CDH19: variants seen among roughly 807,000 people sequenced by gnomAD.
CDH19 encodes cadherin 19, also known as cadherin-19.
In CDH19, 67 loss-of-function variants were observed where a neutral mutation model predicts 64.2. The ratio of observed to expected loss-of-function variants is 1.04; its 90% CI spans 0.86 to 1.28. The LOEUF is 1.28. CDH19 is among the 50% of genes most tolerant of loss of function. The probability of loss-of-function intolerance (pLI) is 0.00; values close to 1 mark genes in which losing one functional copy is unlikely to be tolerated. For synonymous variants in CDH19, 346 were observed against 319.3 expected (o/e 1.08, Z -0.89); for missense variants, 1,030 against 929.0 (o/e 1.11, Z -1.41).
chr18:66,560,024 TGTTTC>T (rs1258080735), intron 3 of CDH19, among the ~76,000 whole-genome samples: 1 of 151,988 alleles, frequency 6.6e-6, no homozygotes, highest in Admixed American at 6.6e-5. Flanking sequence ...TTTGTTTGTT[TGTTTC>T]TTTTGTTTTG....
At position 66,543,955 on chromosome 18, in the gene CDH19, G is replaced by A. The variant is rs368274119; in HGVS notation, c.1214+16C>T. ...TTTACTTATTTATTAATGCAAAACTGACCTTACAGACATACCTGATAGGAG... is the reference window on the plus strand; with the variant it reads ...TTTACTTATTTATTAATGCAAAACTAACCTTACAGACATACCTGATAGGAG... On this transcript the variant is annotated intron_variant, in intron 7 of 11. Transcript: ENST00000262150. 1 of 1,563,766 alleles carries A rather than the reference G, an allele frequency of 6.4e-7. No homozygotes were observed. Among genetic ancestry groups the A allele is most frequent in the Non-Finnish European group, 8.7e-7 (1 of 1,153,484 alleles).
intron 3 of CDH19, among the ~76,000 whole-genome samples, chr18:66,557,650 A>C (rs1409085763): frequency 1.3e-5 from 2 of 151,952 alleles, no homozygotes; most frequent in Admixed American, 6.6e-5. Context: ...GTAATTCAAC[A>C]ATGTTTTAGA....
chr18:66,537,003 T>G (rs529971893), intron 7 of CDH19, among the ~76,000 whole-genome samples: 1 of 152,012 alleles, frequency 6.6e-6, no homozygotes, highest in East Asian at 1.9e-4. Context: ...TTACAATAAT[T>G]TTGGACTTAC....
At chr18:66,550,836 G>A (rs1340917982) in intron 5 of CDH19, among the ~76,000 whole-genome samples, 2 of 152,028 alleles carry the variant, frequency 1.3e-5, no homozygotes, top group African/African-American at 4.8e-5. Context: ...AACCCAATGA[G>A]ACCCATAATA....
At chr18:66,534,232 C>T (rs1187649675) in intron 8 of CDH19, among the ~76,000 whole-genome samples, 1 of 151,982 alleles carries the variant, frequency 6.6e-6, no homozygotes, top group Non-Finnish European at 1.5e-5. Flanking sequence ...GTAACATTTG[C>T]CTCCTTTTAT....
At chr18:66,580,992 A>C (rs1988406026) in intron 1 of CDH19, among the ~76,000 whole-genome samples, 1 of 152,086 alleles carries the variant, frequency 6.6e-6, no homozygotes, top group African/African-American at 2.4e-5. Flanking sequence ...GCAAATAAGA[A>C]AAAATGCTCT....
At chr18:66,539,927 A>G (rs1178452554) in intron 7 of CDH19, among the ~76,000 whole-genome samples, 1 of 151,952 alleles carries the variant, frequency 6.6e-6, no homozygotes, top group Non-Finnish European at 1.5e-5. Context: ...AAGGTTATTT[A>G]TCTTTTAATA....
chr18:66,514,522 A>C lies in CDH19; in HGVS notation c.1459-2837T>G, dbSNP rs566051605. 2.6e-5 allele frequency among the ~76,000 whole-genome samples: 4 copies of C among 151,616 alleles called. No individual in the cohort carries two copies. The East Asian group carries it at 7.7e-4, about 29-fold the overall frequency. On this transcript the variant is annotated intron_variant, in intron 9 of 11. Coordinates refer to ENST00000262150, the MANE Select transcript of CDH19 (RefSeq NM_021153.4). Reference sequence around the variant, plus strand: ...AAAAAAGTGTGATCCCAAGCAAAGAATATCAAGAAAATTAATGAAGGCAAA... The same window carrying C: ...AAAAAAGTGTGATCCCAAGCAAAGACTATCAAGAAAATTAATGAAGGCAAA...
At chr18:66,542,646 G>A (rs1986934213) in intron 7 of CDH19, among the ~76,000 whole-genome samples, 1 of 152,144 alleles carries the variant, frequency 6.6e-6, no homozygotes, top group African/African-American at 2.4e-5. Context: ...GTAAAACACA[G>A]GTTCCCAACC....
chr18:66,585,320 G>T (rs1037863358), intron 1 of CDH19, among the ~76,000 whole-genome samples: 2 of 151,950 alleles, frequency 1.3e-5, no homozygotes, highest in African/African-American at 2.4e-5. Context: ...CTGACTTTCG[G>T]GTTATTTTCC....
chr18:66,524,615 T>C (rs113880465), intron 9 of CDH19, among the ~76,000 whole-genome samples: 2,473 of 148,676 alleles, frequency 0.017, 63 homozygotes, highest in African/African-American at 0.056. Context: ...TATTTGTTAA[T>C]TAAAAATATT....
intron 1 of CDH19, among the ~76,000 whole-genome samples, chr18:66,594,437 T>A (rs1988826687): frequency 6.6e-6 from 1 of 152,064 alleles, no homozygotes. Context: ...TACAGAGCAG[T>A]CCATCAAACA....
chr18:66,522,617 CTTT>C (rs1986044512), intron 9 of CDH19, among the ~76,000 whole-genome samples: 1 of 151,618 alleles, frequency 6.6e-6, no homozygotes, highest in Non-Finnish European at 1.5e-5. Flanking sequence ...TACAATTTGA[CTTT>C]TTATCCTTTT....
At chr18:66,584,494 C>G (rs1056062043) in intron 1 of CDH19, among the ~76,000 whole-genome samples, 2 of 152,070 alleles carry the variant, frequency 1.3e-5, no homozygotes, top group Non-Finnish European at 2.9e-5. Context: ...TTCAACCCAG[C>G]AGTCCCACTA....
rs1400075133 is a variant in CDH19 at position 66,566,415 on chromosome 18, T to C, written c.490+2001A>G. ...TCAATTTCCTTTCTTAAAAAACAATTGAATAGTCATAAACAAGCAAAAAGT... is the reference window on the plus strand; with the variant it reads ...TCAATTTCCTTTCTTAAAAAACAATCGAATAGTCATAAACAAGCAAAAAGT... On this transcript the variant is annotated intron_variant, in intron 3 of 11. Transcript: ENST00000262150. Among the ~76,000 whole-genome samples, 8 of 151,862 alleles carry C rather than the reference T, an allele frequency of 5.3e-5. No individual in the cohort carries two copies. The South Asian group carries it at 1.5e-3, about 28-fold the overall frequency.
rs191813187 is a variant in CDH19, at chr18:66,535,699, T to C, written c.1215-592A>G. On this transcript the variant is annotated intron_variant, in intron 7 of 11. Transcript: ENST00000262150. ...TTTTATAACACATGACATATTTTAT[T>C]ACATATATAACATATTTGTAATATT... Among the ~76,000 whole-genome samples, 832 of 147,022 alleles carry C rather than the reference T, an allele frequency of 5.7e-3. 11 individuals are homozygous for C. The highest frequency in any genetic ancestry group is 0.019 in the African/African-American group (777 of 40,652).
chr18:66,566,066 C>A (rs1162305673), intron 3 of CDH19, among the ~76,000 whole-genome samples: 2 of 152,026 alleles, frequency 1.3e-5, no homozygotes, highest in East Asian at 3.9e-4. Context: ...TACCATGATA[C>A]CAATAATTCT....
intron 5 of CDH19, 66 bp from the exon 6 acceptor site, chr18:66,544,969 TTTTG>T (rs993565876): frequency 2.9e-4 from 352 of 1,224,718 alleles, no homozygotes; most frequent in East Asian, 5.6e-4. Flanking sequence ...AATTATAGTT[TTTTG>T]TTTGTTTGTT....
chr18:66,501,692 A>G lies in CDH19; in HGVS notation c.*3120T>C, dbSNP rs1984949361. On this transcript the variant is annotated 3_prime_UTR_variant, in exon 12 of 12. Coordinates refer to ENST00000262150, the MANE Select transcript of CDH19 (RefSeq NM_021153.4). The stretch of plus-strand genomic sequence containing the variant: ...TCACTGTTATTTATTGAGCAGTTAT[A>G]TTTTGTCAGGCACTATTGGTGCTGC... The G allele has an allele frequency of 6.6e-6, 1 of 152,128 alleles. No individual in the cohort carries two copies. Among genetic ancestry groups the G allele is most frequent in the Non-Finnish European group, 1.5e-5 (1 of 68,024 alleles). 9.4% of individuals were successfully genotyped at this position (152,128 alleles called of 1,614,324 possible). A position where few individuals can be genotyped will look rare whatever the true frequency, so the allele number is the denominator to read the frequency against.
Sources: gnomAD v4.1 joint callset for allele counts (sites outside exome capture counted in the v4.1 genomes callset) on GRCh38, gnomAD v4.1.1 for gene constraint, MANE v1.5 for transcripts, NCBI Gene and HGNC (gene_info 2026-07-23, HGNC 2026-07-21) for gene names.